The following CARMIL1 variants were observed in gnomAD, a reference collection of about 807,000 sequenced individuals.
CARMIL1 encodes the protein capping protein regulator and myosin 1 linker 1.
In CARMIL1, 90 loss-of-function variants were observed where a neutral mutation model predicts 177.1. The ratio of observed to expected loss-of-function variants is 0.51; its 90% CI spans 0.43 to 0.61. CARMIL1 has a LOEUF of 0.61. CARMIL1 is among the 20% of genes least tolerant of loss of function. The pLI is 0.00. For missense variants in CARMIL1, 1,380 were observed against 1,667.0 expected (o/e 0.83, Z 3.00); for synonymous variants, 577 against 606.2 (o/e 0.95, Z 0.71).
At chr6:25,595,306 C>A (rs879710016) in intron 32 of CARMIL1, among the ~76,000 whole-genome samples, 11 of 152,146 alleles carry the variant, frequency 7.2e-5, no homozygotes, top group Non-Finnish European at 1.3e-4. Context: ...CAAACATAAG[C>A]CAGATAAGCC....
At chr6:25,293,910 T>A (rs1782188603) in intron 2 of CARMIL1, among the ~76,000 whole-genome samples, 1 of 152,156 alleles carries the variant, frequency 6.6e-6, no homozygotes, top group Non-Finnish European at 1.5e-5. Flanking sequence ...TTTGTAGAGA[T>A]GGGGTTTCAC....
chr6:25,426,290 A>G (rs1416199372), intron 3 of CARMIL1, among the ~76,000 whole-genome samples: 1 of 152,004 alleles, frequency 6.6e-6, no homozygotes, highest in Non-Finnish European at 1.5e-5. Context: ...GTAAAGTAAC[A>G]CCTTTTCTGA....
At chr6:25,498,303 A>T (rs1582154049) in intron 16 of CARMIL1, among the ~76,000 whole-genome samples, 2 of 152,252 alleles carry the variant, frequency 1.3e-5, no homozygotes, top group East Asian at 3.8e-4. Flanking sequence ...TTGAGGATCT[A>T]GAAGATGGTT....
At position 25,524,928 on chromosome 6, in the gene CARMIL1, C is replaced by A. The variant is rs896082912; in HGVS notation, c.1969-3867C>A. ...GATTCTTCAATAGAAACTTCCCAAA[C>A]TGAATTGCACAAAGAAAAAAAGAAA... is the stretch of plus-strand genomic sequence containing the variant. On this transcript the variant is annotated intron_variant, in intron 23 of 36. Transcript: ENST00000329474. Among the ~76,000 whole-genome samples the A allele has an allele frequency of 1.6e-4, 24 of 152,098 alleles. 2 individuals are homozygous for A. The highest frequency in any genetic ancestry group is 1.4e-3 in the Admixed American group (21 of 15,280).
chr6:25,614,456 T>C (rs1427318699), intron 36 of CARMIL1, among the ~76,000 whole-genome samples: 1 of 152,250 alleles, frequency 6.6e-6, no homozygotes, highest in Non-Finnish European at 1.5e-5. Flanking sequence ...TTCTCTCATA[T>C]GGCCAAGAAA....
chr6:25,520,441 AATTTT>A (rs1312425126), intron 23 of CARMIL1, 104 bp downstream of exon 23: 3 of 676,480 alleles, frequency 4.4e-6, no homozygotes, highest in Non-Finnish European at 7.4e-6. Context: ...AGTTTTTTTA[AATTTT>A]ATTTTATTTT....
chr6:25,608,492 C>T (rs1816199115), intron 35 of CARMIL1, among the ~76,000 whole-genome samples: 1 of 152,124 alleles, frequency 6.6e-6, no homozygotes, highest in African/African-American at 2.4e-5. Context: ...GGGACCACTC[C>T]CCAGTTTCTA....
intron 8 of CARMIL1, among the ~76,000 whole-genome samples, chr6:25,462,959 A>C (rs1261472773): frequency 6.6e-6 from 1 of 152,140 alleles, no homozygotes; most frequent in East Asian, 1.9e-4. Flanking sequence ...GTCTCCTTCT[A>C]ATTGTTTTTT....
At chr6:25,418,129 A>G (rs1280788790) in intron 2 of CARMIL1, among the ~76,000 whole-genome samples, 2 of 152,154 alleles carry the variant, frequency 1.3e-5, no homozygotes, top group Non-Finnish European at 2.9e-5. Flanking sequence ...CAGAATCTGA[A>G]TGTAAGTCTT....
intron 26 of CARMIL1, 55 bp from the exon 27 acceptor site, chr6:25,550,855 G>A (rs924206229): frequency 8.1e-6 from 12 of 1,478,086 alleles, no homozygotes; most frequent in East Asian, 4.5e-5. Flanking sequence ...GTTTTATGGC[G>A]GGCACCTCGG....
intron 31 of CARMIL1, among the ~76,000 whole-genome samples, chr6:25,592,668 G>A (rs546379767): frequency 5.3e-5 from 8 of 152,140 alleles, no homozygotes; most frequent in Admixed American, 2.0e-4. Flanking sequence ...TGAATGAAGC[G>A]GATGATTGTT....
intron 2 of CARMIL1, among the ~76,000 whole-genome samples, chr6:25,350,987 T>C (rs531496641): frequency 6.6e-6 from 1 of 152,318 alleles, no homozygotes; most frequent in Non-Finnish European, 1.5e-5. Context: ...CCCAGAAGTG[T>C]GTAAGCATAG....
At chr6:25,618,275 A>G (rs1205661816) in intron 36 of CARMIL1, among the ~76,000 whole-genome samples, 1 of 128,688 alleles carries the variant, frequency 7.8e-6, no homozygotes, top group Admixed American at 7.7e-5. Context: ...TTTTTTTTTT[A>G]GCAGAATGCA....
At chr6:25,300,806 C>G (rs1033109504) in intron 2 of CARMIL1, among the ~76,000 whole-genome samples, 39 of 152,194 alleles carry the variant, frequency 2.6e-4, no homozygotes, top group African/African-American at 9.2e-4. Context: ...TGGTTAGTTA[C>G]TTAGGTAACT....
chr6:25,606,779 C>G (rs1816012417), intron 35 of CARMIL1, among the ~76,000 whole-genome samples: 2 of 152,146 alleles, frequency 1.3e-5, no homozygotes, highest in South Asian at 4.1e-4. Context: ...GTGGACACAG[C>G]CATACTATTT....
intron 2 of CARMIL1, among the ~76,000 whole-genome samples, chr6:25,375,756 C>T (rs1458991185): frequency 1.3e-5 from 2 of 152,050 alleles, no homozygotes; most frequent in Non-Finnish European, 2.9e-5. Flanking sequence ...CTTTTTTCTA[C>T]TTGTTCTAGT....
chr6:25,336,407 C>T (rs1786240220), intron 2 of CARMIL1, among the ~76,000 whole-genome samples: 1 of 152,208 alleles, frequency 6.6e-6, no homozygotes, highest in Admixed American at 6.5e-5. Flanking sequence ...CTCACCTCCC[C>T]TGTGAGCAGC....
chr6:25,348,192 G>GTGCGAT (rs1787731331), intron 2 of CARMIL1, among the ~76,000 whole-genome samples: 2 of 151,958 alleles, frequency 1.3e-5, no homozygotes, highest in Non-Finnish European at 2.9e-5. Context: ...GAGTGCAATG[G>GTGCGAT]TGCGATCTTG....
chr6:25,330,637 C>G (rs993907601), intron 2 of CARMIL1, among the ~76,000 whole-genome samples: 4 of 150,014 alleles, frequency 2.7e-5, no homozygotes, highest in African/African-American at 9.8e-5. Flanking sequence ...CTCAGGAGTT[C>G]GAGACCAGCC....
Sources: allele counts gnomAD v4.1 joint callset (sites outside exome capture counted in the v4.1 genomes callset), GRCh38; gene constraint gnomAD v4.1.1; transcripts MANE v1.5; gene names NCBI Gene and HGNC (gene_info 2026-07-23, HGNC 2026-07-21).